SHOC1: variants seen among roughly 807,000 people sequenced by gnomAD.
SHOC1 encodes shortage in chiasmata 1.
In SHOC1, 136 loss-of-function variants were observed where a neutral mutation model predicts 179.2. The observed-to-expected ratio is 0.76, with a 90% CI of 0.66 to 0.87. The LOEUF (loss-of-function observed/expected upper bound fraction) is 0.87, where lower values mean the gene tolerates loss of function less well. Ranked by LOEUF, SHOC1 falls within the 40% of genes least tolerant of loss-of-function variation. The probability of loss-of-function intolerance (pLI) is 0.00; values close to 1 mark genes in which losing one functional copy is unlikely to be tolerated. For missense variants in SHOC1, 1,538 were observed against 1,700.8 expected (o/e 0.90, Z 1.68); for synonymous variants, 489 against 586.6 (o/e 0.83, Z 2.41).
intron 4 of SHOC1, among the ~76,000 whole-genome samples, chr9:111,776,889 G>T (rs1353847157): frequency 1.3e-5 from 2 of 152,190 alleles, no homozygotes; most frequent in African/African-American, 4.8e-5. Context: ...TTATCAAGAC[G>T]GGAATTGCAA....
At position 111,693,873 on chromosome 9, in the gene SHOC1, G is replaced by A. The variant is rs1356547822; in HGVS notation, c.3391C>T (p.Leu1131=). ...AQLMLNKGPS[L]HWILLATLCQ... ...AGAGTTGCTAATAATATCCAATGCA[G>A]TGAAGGTCCTTTATTTAGCATGAGC... is the stretch of plus-strand genomic sequence containing the variant. The change falls in exon 26 of 28, where the codon CTG becomes TTG. Residue 1131 remains leucine (L), a synonymous_variant. Coordinates refer to ENST00000682961, the MANE Select transcript of SHOC1 (RefSeq NM_001378211.1). 1 of 1,611,032 alleles carries A rather than the reference G, an allele frequency of 6.2e-7. No homozygotes were observed.
chr9:111,787,864 C>G (rs1836314324), intron 2 of SHOC1, among the ~76,000 whole-genome samples: 1 of 152,100 alleles, frequency 6.6e-6, no homozygotes, highest in Non-Finnish European at 1.5e-5. Context: ...ATTGCCACAG[C>G]CACCACTCTG....
intron 3 of SHOC1, among the ~76,000 whole-genome samples, chr9:111,781,777 C>A (rs1456150884): frequency 4.3e-5 from 5 of 116,882 alleles, no homozygotes; most frequent in Admixed American, 4.0e-4. Context: ...TAGCTTATCT[C>A]CCAAATTAGA....
intron 8 of SHOC1, among the ~76,000 whole-genome samples, chr9:111,755,545 C>T (rs900790061): frequency 1.3e-5 from 2 of 152,040 alleles, no homozygotes; most frequent in African/African-American, 2.4e-5. Context: ...TTAAAAATAA[C>T]TCAATAATAT....
chr9:111,738,604 G>A, intron 11 of SHOC1, 82 bp from the exon 12 acceptor site: 1 of 1,246,948 alleles, frequency 8.0e-7, no homozygotes, highest in Non-Finnish European at 1.0e-6. Context: ...AACCACACTG[G>A]AATTTCTTTA....
intron 5 of SHOC1, among the ~76,000 whole-genome samples, chr9:111,765,546 C>T (rs889709011): frequency 2.0e-5 from 3 of 151,942 alleles, no homozygotes; most frequent in African/African-American, 7.2e-5. Flanking sequence ...GCAGAGATTG[C>T]ACCATTGCAC....
chr9:111,708,609 T>A (rs1413783374), intron 18 of SHOC1, among the ~76,000 whole-genome samples: 2 of 152,208 alleles, frequency 1.3e-5, no homozygotes, highest in Non-Finnish European at 2.9e-5. Context: ...TAGCCAAAAA[T>A]TTAAGTACAT....
intron 10 of SHOC1, among the ~76,000 whole-genome samples, chr9:111,742,888 C>T (rs896806268): frequency 6.6e-6 from 1 of 152,160 alleles, no homozygotes; most frequent in African/African-American, 2.4e-5. Flanking sequence ...GTGAAAGGAA[C>T]GTGTTATATT....
intron 26 of SHOC1, among the ~76,000 whole-genome samples, 173 bp downstream of exon 26, chr9:111,693,626 T>C (rs1235183008): frequency 6.6e-6 from 1 of 151,864 alleles, no homozygotes; most frequent in East Asian, 1.9e-4. Context: ...GTATAATTGA[T>C]AGCTAATGAA....
chr9:111,764,103 C>G (rs1360615302), intron 5 of SHOC1, among the ~76,000 whole-genome samples: 1 of 151,372 alleles, frequency 6.6e-6, no homozygotes, highest in Admixed American at 6.6e-5. Context: ...AAACCTAGTG[C>G]CATCCTGTTC....
rs1369942162 is a variant in SHOC1, at chr9:111,758,909, C to G, written c.443-61G>C. 57 of 1,036,834 alleles carry G rather than the reference C, an allele frequency of 5.5e-5. 1 individual carries two copies. The allele number at this position is 1,036,834 out of a possible 1,614,324, so 64.2% of individuals were successfully genotyped here. On this transcript the variant is annotated intron_variant, in intron 5 of 27. Transcript: ENST00000682961. ...AAAACAAAAAGTTATCCAAAGAGAT[C>G]TAGATAGTTAATGTAATCAGTCATT...
chr9:111,718,668 G>T (rs1420377726), intron 15 of SHOC1, among the ~76,000 whole-genome samples: 1 of 152,048 alleles, frequency 6.6e-6, no homozygotes, highest in Non-Finnish European at 1.5e-5. Flanking sequence ...TATGAAACAA[G>T]AATAAAAATA....
chr9:111,707,751 A>C, intron 19 of SHOC1, 104 bp downstream of exon 19: 1 of 767,922 alleles, frequency 1.3e-6, no homozygotes, highest in Non-Finnish European at 2.2e-6. Flanking sequence ...GCATTGCTTA[A>C]TTTCAGATTT....
intron 13 of SHOC1, 121 bp from the exon 14 acceptor site, chr9:111,724,032 A>G: frequency 2.8e-6 from 2 of 703,590 alleles, no homozygotes; most frequent in Non-Finnish European, 2.3e-6. Flanking sequence ...GAAACACATC[A>G]GTATTAAAGT....
intron 25 of SHOC1, 111 bp from the exon 26 acceptor site, chr9:111,694,059 T>G: frequency 9.0e-7 from 1 of 1,109,614 alleles, no homozygotes; most frequent in Non-Finnish European, 1.3e-6. Context: ...TCAGTAGTCT[T>G]TCGAAAGTGA....
Position 111,692,088 on chromosome 9 carries a change from A to G in SHOC1, c.3889T>C (p.Leu1297=), listed in dbSNP as rs775093905. 2.7e-5 allele frequency: 43 copies of G among 1,613,826 alleles called. No individual in the cohort carries two copies. Among genetic ancestry groups the G allele is most frequent in the Non-Finnish European group, 3.2e-5 (38 of 1,179,888 alleles). Reference sequence around the variant, plus strand: ...TCACAGTTCATTTGTGTTAGACCCAAAGAAAAGACATCTGACTCTGAATCA... The same window carrying G: ...TCACAGTTCATTTGTGTTAGACCCAGAGAAAAGACATCTGACTCTGAATCA... The part of the protein sequence containing the change: ...HSDSESDVFS[L]GLTQMNCETI... Residue 1297 remains leucine, a synonymous_variant, in exon 27 of 28, where the codon TTG becomes CTG. Transcript: ENST00000682961.
intron 1 of SHOC1, among the ~76,000 whole-genome samples, chr9:111,792,107 C>T (rs1836467653): frequency 6.6e-6 from 1 of 152,070 alleles, no homozygotes; most frequent in African/African-American, 2.4e-5. Context: ...AATAAAGCAA[C>T]TATGGCATAT....
rs1833107224 is a variant in SHOC1 at position 111,722,523 on chromosome 9, CAAGGTT to C, written c.2011_2016del (p.Asn671_Leu672del). On this transcript the variant is annotated inframe_deletion, in exon 15 of 28. Transcript: ENST00000682961. ...GCAGTAGGGAGGGTACACAAGGATA[CAAGGTT>C]TTTTAAGATAGGAGAAGCTGCTGCT... 2 of 1,610,552 alleles carry C rather than the reference CAAGGTT, an allele frequency of 1.2e-6. No individual in the cohort carries two copies. Among genetic ancestry groups the C allele is most frequent in the East Asian group, 4.5e-5 (2 of 44,726 alleles).
At chr9:111,694,404 A>T (rs767749181) in intron 24 of SHOC1, 42 bp from the exon 25 acceptor site, 14 of 1,414,622 alleles carry the variant, frequency 9.9e-6, no homozygotes, top group Non-Finnish European at 1.4e-5. Context: ...AAATACTAGG[A>T]AGCAAAATAT....
Sources: allele counts gnomAD v4.1 joint callset (sites outside exome capture counted in the v4.1 genomes callset), GRCh38; gene constraint gnomAD v4.1.1; transcripts MANE v1.5; gene names NCBI Gene and HGNC (gene_info 2026-07-23, HGNC 2026-07-21).